RGS5: variants seen among roughly 807,000 people sequenced by gnomAD.
The protein encoded by RGS5 is regulator of G protein signaling 5, also known as regulator of G-protein signalling 5.
In RGS5, 20 loss-of-function variants were observed where a neutral mutation model predicts 18.9. The ratio of observed to expected loss-of-function variants is 1.06; its 90% CI spans 0.74 to 1.54. RGS5 has a LOEUF of 1.54. Ranked by LOEUF, RGS5 falls within the 40% of genes most tolerant of loss-of-function variation. The pLI is 0.00. For synonymous variants in RGS5, 57 were observed against 76.2 expected, an observed-to-expected ratio of 0.75 and a Z score of 1.31; for missense variants, 201 against 211.8, an observed-to-expected ratio of 0.95 and a Z score of 0.32.
intron 2 of RGS5, among the ~76,000 whole-genome samples, chr1:163,246,878 T>C (rs1212600754): frequency 6.6e-6 from 1 of 152,202 alleles, no homozygotes; most frequent in African/African-American, 2.4e-5. Flanking sequence ...GTGGTACATA[T>C]ACACTATGGA....
In RGS5 at chr1:163,197,135, G is replaced by A. The variant is rs937003341; in HGVS notation, c.44+5657C>T. 2.0e-5 allele frequency among the ~76,000 whole-genome samples: 3 copies of A among 152,204 alleles called. No homozygotes were observed. In the East Asian group the frequency reaches 5.8e-4, roughly 29 times the overall value. The stretch of plus-strand genomic sequence containing the variant: ...CATATGCAGGACTTGCTGCCCAGGA[G>A]GTTAACTGTGGTTAGAAACTCAGCG... On this transcript the variant is annotated intron_variant, in intron 1 of 4. Transcript: ENST00000313961.
intron 2 of RGS5, among the ~76,000 whole-genome samples, chr1:163,299,115 T>C (rs1487935110): frequency 6.6e-6 from 1 of 152,130 alleles, no homozygotes; most frequent in East Asian, 1.9e-4. Flanking sequence ...AGGAGCTGAA[T>C]AGTATAGACA....
chr1:163,312,562 GA>G (rs771168393), intron 1 of RGS5, among the ~76,000 whole-genome samples: 8 of 152,004 alleles, frequency 5.3e-5, no homozygotes, highest in African/African-American at 9.7e-5. Flanking sequence ...GTAAGCTACT[GA>G]AAACGACAGT....
intron 2 of RGS5, among the ~76,000 whole-genome samples, chr1:163,255,530 G>T (rs1648248536): frequency 6.6e-6 from 1 of 151,630 alleles, no homozygotes; most frequent in Non-Finnish European, 1.5e-5. Flanking sequence ...TCTACCAGAG[G>T]TACAAGGAGG....
At chr1:163,169,072 C>G (rs1262614159) in intron 1 of RGS5, among the ~76,000 whole-genome samples, 1 of 147,620 alleles carries the variant, frequency 6.8e-6, no homozygotes, top group Non-Finnish European at 1.5e-5. Flanking sequence ...TCCATGTGTT[C>G]TCATTGTTCA....
At chr1:163,193,185 C>G (rs952718848) in intron 1 of RGS5, among the ~76,000 whole-genome samples, 3 of 152,220 alleles carry the variant, frequency 2.0e-5, no homozygotes, top group South Asian at 4.1e-4. Context: ...AGTTTTAAGT[C>G]TCTAAATGAT....
intron 1 of RGS5, among the ~76,000 whole-genome samples, chr1:163,311,394 T>C (rs1470548779): frequency 6.6e-6 from 1 of 152,248 alleles, no homozygotes; most frequent in African/African-American, 2.4e-5. Flanking sequence ...CCAAGAACTT[T>C]TCCTTTGCAT....
In RGS5 at chr1:163,144,306, G is replaced by C. The variant is rs1054943; in HGVS notation, c.*3036C>G. ...TTTAACAAATAAACATGGAACATAC[G>C]TCCTTAATTAACTGTGGAGTTAATA... On this transcript the variant is annotated 3_prime_UTR_variant, in exon 5 of 5. Coordinates refer to ENST00000313961, the MANE Select transcript of RGS5 (RefSeq NM_003617.4). 0.2 allele frequency: 30,916 copies of C among 151,950 alleles called. 5,136 individuals carry two copies. Among genetic ancestry groups the C allele is most frequent in the African/African-American group, 0.46 (18,989 of 41,386 alleles). The allele number at this position is 151,950 out of a possible 1,614,324, so 9.4% of individuals were successfully genotyped here. A position where few individuals can be genotyped will look rare whatever the true frequency, so the allele number is the denominator to read the frequency against.
At chr1:163,203,020 G>T (rs992405123), upstream of RGS5, 2 of 569,610 alleles carry the variant, frequency 3.5e-6, no homozygotes, top group Non-Finnish European at 3.1e-6. Flanking sequence ...CTGGAGAGCA[G>T]CAGCAGTGGG....
At chr1:163,212,078 G>A (rs1387101580) in intron 1 of RGS5, 2 of 152,122 alleles carry the variant, frequency 1.3e-5, no homozygotes, top group Non-Finnish European at 2.9e-5. Flanking sequence ...TTTGGATTGA[G>A]GATTAGTCTT....
chr1:163,181,831 G>T (rs1658859731), intron 1 of RGS5, among the ~76,000 whole-genome samples: 1 of 152,098 alleles, frequency 6.6e-6, no homozygotes, highest in Non-Finnish European at 1.5e-5. Flanking sequence ...TAAGACCACA[G>T]CTCCGCACTG....
At chr1:163,293,483 C>T (rs1649346961) in intron 2 of RGS5, among the ~76,000 whole-genome samples, 1 of 152,156 alleles carries the variant, frequency 6.6e-6, no homozygotes, top group African/African-American at 2.4e-5. Context: ...GATCCAGTAA[C>T]CTCCCACCAG....
chr1:163,285,564 C>T (rs1006854345), intron 2 of RGS5, among the ~76,000 whole-genome samples: 2 of 151,724 alleles, frequency 1.3e-5, no homozygotes, highest in African/African-American at 4.8e-5. Flanking sequence ...CAAAACAAAA[C>T]AAACAACAAC....
At chr1:163,174,356 G>T (rs1272690892) in intron 1 of RGS5, among the ~76,000 whole-genome samples, 1 of 152,174 alleles carries the variant, frequency 6.6e-6, no homozygotes, top group South Asian at 2.1e-4. Context: ...ACTTAGCACA[G>T]GGCCTGGCAT....
chr1:163,189,936 T>C (rs2101645663), intron 1 of RGS5, among the ~76,000 whole-genome samples: 1 of 152,310 alleles, frequency 6.6e-6, no homozygotes, highest in Non-Finnish European at 1.5e-5. Flanking sequence ...TTGATAGAAT[T>C]TGAAATTTGA....
At position 163,239,320 on chromosome 1, in the gene RGS5, C is replaced by CA. The variant is rs11346860; in HGVS notation, c.-281+66912dup. The CA allele has an allele frequency of 1.5e-3, 219 of 141,978 alleles. 1 individual carries two copies. The highest frequency in any genetic ancestry group is 3.5e-3 in the Middle Eastern group (1 of 284). 8.8% of individuals were successfully genotyped at this position (141,978 alleles called of 1,614,324 possible). On this transcript the variant is annotated intron_variant, in intron 2 of 5. Transcript: ENST00000618415. ...GTGAAACCCTATCCCTACTAAAATC[C>CA]AAAAAAAAAAAAAACATTAGCCAGG...
At chr1:163,295,443 C>T (rs1279834161) in intron 2 of RGS5, among the ~76,000 whole-genome samples, 2 of 152,144 alleles carry the variant, frequency 1.3e-5, no homozygotes, top group African/African-American at 2.4e-5. Context: ...CTCAGTTTCT[C>T]GATTGTGAAA....
At chr1:163,236,543 G>T (rs1449230235) in intron 2 of RGS5, among the ~76,000 whole-genome samples, 1 of 152,028 alleles carries the variant, frequency 6.6e-6, no homozygotes, top group Non-Finnish European at 1.5e-5. Context: ...CCTTCTGATG[G>T]CTTTCCCTCA....
chr1:163,283,335 T>A (rs1256748578), intron 2 of RGS5, among the ~76,000 whole-genome samples: 1 of 152,230 alleles, frequency 6.6e-6, no homozygotes, highest in Non-Finnish European at 1.5e-5. Flanking sequence ...TTCAAGGTGA[T>A]AAATATACTA....
Sources: allele counts gnomAD v4.1 joint callset (sites outside exome capture counted in the v4.1 genomes callset), GRCh38; gene constraint gnomAD v4.1.1; transcripts MANE v1.5; gene names NCBI Gene and HGNC (gene_info 2026-07-23, HGNC 2026-07-21).